The following PKD1 variants were observed in gnomAD, a reference collection of about 807,000 sequenced individuals.
PKD1 encodes polycystin-1.
In PKD1, 81 loss-of-function variants were observed where a neutral mutation model predicts 361.7. The ratio of observed to expected loss-of-function variants is 0.22; its 90% CI spans 0.19 to 0.27. The LOEUF (loss-of-function observed/expected upper bound fraction) is 0.27, where lower values mean the gene tolerates loss of function less well. Ranked by LOEUF, PKD1 falls within the 10% of genes least tolerant of loss-of-function variation. The pLI is 1.00. For synonymous variants in PKD1, 3,615 were observed against 2,818.3 expected, an observed-to-expected ratio of 1.28 and a Z score of -8.95; for missense variants, 6,399 against 6,118.3, an observed-to-expected ratio of 1.05 and a Z score of -1.53.
At position 2,091,329 on chromosome 16, in the gene PKD1, G is replaced by GCTGCGAAGGCGGGGCC. The variant is rs2091553356; in HGVS notation, c.11712+93_11712+94insGGCCCCGCCTTCGCAG. On this transcript the variant is annotated intron_variant, in intron 42 of 45. Coordinates refer to ENST00000262304, the MANE Select transcript of PKD1 (RefSeq NM_001009944.3). ...GCGGGACGCTGCGAGGGGGCGGGGCGCTGCGAGGGGTGAGACGCTGCCGGG... is the reference window on the plus strand; with the variant it reads ...GCGGGACGCTGCGAGGGGGCGGGGCGCTGCGAAGGCGGGGCCCTGCGAGGGGTGAGACGCTGCCGGG... The GCTGCGAAGGCGGGGCC allele has an allele frequency of 5.1e-6, 2 of 390,358 alleles. 1 individual carries two copies. The highest frequency in any genetic ancestry group is 1.0e-4 in the African/African-American group (2 of 19,230). 24.2% of individuals were successfully genotyped at this position (390,358 alleles called of 1,614,324 possible).
chr16:2,090,773 G>T lies in PKD1; in HGVS notation c.12039C>A (p.Ser4013=). The T allele has an allele frequency of 6.2e-7, 1 of 1,612,576 alleles. No homozygotes were observed. The highest frequency in any genetic ancestry group is 8.5e-7 in the Non-Finnish European group (1 of 1,179,940). Residue 4013 remains serine (S), a synonymous_variant, in exon 44 of 46, where the codon TCC becomes TCA. Transcript: ENST00000262304. Reference sequence around the variant, plus strand: ...CTCGGCATAATGTCTTGCCAAAGACGGACCACTGGCGCACGAAGCGTAGCT... The same window carrying T: ...CTCGGCATAATGTCTTGCCAAAGACTGACCACTGGCGCACGAAGCGTAGCT... The part of the protein sequence containing the change: ...AQQLRFVRQW[S]VFGKTLCRAL...
chr16:2,109,482 G>A lies in PKD1; in HGVS notation c.5685C>T (p.Ser1895=), dbSNP rs1427285494. The change falls in exon 15 of 46, where the codon AGC becomes AGT. Residue 1895 remains serine (S), a synonymous_variant. Transcript: ENST00000262304. ...GCTGCCCGGGCGCCACCACCTTGCT[G>A]CTGGCCCACAGCACCAGGCCCACGA... is the stretch of plus-strand genomic sequence containing the variant. The part of the protein sequence containing the change: ...EPIVGLVLWA[S]SKVVAPGQLV... 2 of 1,609,234 alleles carry A rather than the reference G, an allele frequency of 1.2e-6. No individual in the cohort carries two copies. Among genetic ancestry groups the A allele is most frequent in the South Asian group, 2.2e-5 (2 of 90,820 alleles).
Position 2,102,051 on chromosome 16 carries a change from C to A in PKD1, c.9397+10G>T. The stretch of plus-strand genomic sequence containing the variant: ...CAGGGGAGGCCCTGCCACCCCGCTG[C>A]GCCCCTCACCTGAGCCCCGGCCCCA... On this transcript the variant is annotated intron_variant, in intron 26 of 45. Transcript: ENST00000262304. 11 of 1,527,704 alleles carry A rather than the reference C, an allele frequency of 7.2e-6. No homozygotes were observed. Among genetic ancestry groups the A allele is most frequent in the African/African-American group, 1.4e-5 (1 of 71,760 alleles). The allele number at this position is 1,527,704 out of a possible 1,614,324, so 94.6% of individuals were successfully genotyped here.
chr16:2,125,342 G>A (rs1164156046), intron 1 of PKD1, among the ~76,000 whole-genome samples: 2 of 152,070 alleles, frequency 1.3e-5, no homozygotes, highest in Non-Finnish European at 2.9e-5. Context: ...GATACAGGAC[G>A]AGGCTGCCAG....
chr16:2,089,550 T>A lies in PKD1; in HGVS notation c.*177A>T. 1.4e-6 allele frequency: 1 copy of A among 736,446 alleles called. No homozygotes were observed. The highest frequency in any genetic ancestry group is 2.7e-5 in the East Asian group (1 of 36,754). The allele number at this position is 736,446 out of a possible 1,614,324, so 45.6% of individuals were successfully genotyped here. A position where few individuals can be genotyped will look rare whatever the true frequency, so the allele number is the denominator to read the frequency against. On this transcript the variant is annotated 3_prime_UTR_variant, in exon 46 of 46. Transcript: ENST00000262304. ...CTGGGGAGGGGACCCTGGGTCCTGG[T>A]TGGCCACACAGCCTCTTTAAAGTGC...
At position 2,089,693 on chromosome 16, in the gene PKD1, C is replaced by T. The variant is rs530758271; in HGVS notation, c.*34G>A. Reference sequence around the variant, plus strand: ...AAGTAATACTGAGCGGTGTCCACTCCGACTCCACGGCCCACCCCCGCCAGG... The same window carrying T: ...AAGTAATACTGAGCGGTGTCCACTCTGACTCCACGGCCCACCCCCGCCAGG... On this transcript the variant is annotated 3_prime_UTR_variant, in exon 46 of 46. Transcript: ENST00000262304. The T allele has an allele frequency of 7.0e-5, 108 of 1,553,452 alleles. No homozygotes were observed. Among genetic ancestry groups the T allele is most frequent in the Non-Finnish European group, 8.3e-5 (95 of 1,149,366 alleles).
Position 2,110,802 on chromosome 16 carries a change from A to G in PKD1, c.4365T>C (p.Asn1455=). 1.2e-6 allele frequency: 2 copies of G among 1,611,432 alleles called. No homozygotes were observed. The highest frequency in any genetic ancestry group is 8.5e-7 in the Non-Finnish European group (1 of 1,179,816). The part of the protein sequence containing the change: ...VTASNNISAA[N]DSALVEVQEP... ...CCTGCACCTCCACCAGGGCTGAGTC[A>G]TTGGCAGCAGAGATGTTGTTGGACG... The change falls in exon 15 of 46, where the codon AAT becomes AAC. Residue 1455 remains asparagine, a synonymous_variant. Transcript: ENST00000262304.
At chr16:2,133,622 G>A (rs546315822) in intron 1 of PKD1, among the ~76,000 whole-genome samples, 6 of 152,236 alleles carry the variant, frequency 3.9e-5, no homozygotes, top group Admixed American at 6.5e-5. Flanking sequence ...GCCAGCCAGG[G>A]CCTTCACATC....
At chr16:2,094,777 G>A (rs569397076) in intron 34 of PKD1, 15 of 159,422 alleles carry the variant, frequency 9.4e-5, no homozygotes, top group Middle Eastern at 3.2e-3. Context: ...TGATATGCCC[G>A]GTCCCAGAGC....
chr16:2,126,775 T>C (rs1241916496), intron 1 of PKD1, among the ~76,000 whole-genome samples: 1 of 152,236 alleles, frequency 6.6e-6, no homozygotes, highest in Non-Finnish European at 1.5e-5. Flanking sequence ...CCAAAGTATA[T>C]TCCTTGCTGG....
In PKD1 at chr16:2,097,958, A is replaced by G. The variant is rs1366428783; in HGVS notation, c.10077T>C (p.Pro3359=). 3.1e-6 allele frequency: 5 copies of G among 1,597,866 alleles called. No homozygotes were observed. Among genetic ancestry groups the G allele is most frequent in the Middle Eastern group, 4.5e-4 (2 of 4,426 alleles). Residue 3359 remains proline, a synonymous_variant, in exon 31 of 46, where the codon CCT becomes CCC. Transcript: ENST00000262304. ...CGATGTCCAGCACCTGCTGCCCGGC[A>G]GGTGTGGGGCTCGGGCTCCCAGCCA... is the stretch of plus-strand genomic sequence containing the variant. The part of the protein sequence containing the change: ...SKVAGSPSPT[P]AGQQVLDIDS...
chr16:2,100,578 G>C lies in PKD1; in HGVS notation c.9398-12C>G, dbSNP rs1255199208. On this transcript the variant is annotated splice_polypyrimidine_tract_variant and intron_variant, in intron 26 of 45. Coordinates refer to ENST00000262304, the MANE Select transcript of PKD1 (RefSeq NM_001009944.3). The surrounding 1 kb of genome is among the most constrained non-coding windows in gnomAD (Gnocchi z 4.4). ...GTGGGCCGTGGTACCTGGGAGGCAA[G>C]AGGGAGGGGTGGGAGGCTCGGTCTG... 3.1e-6 allele frequency: 5 copies of C among 1,608,120 alleles called. No homozygotes were observed. The East Asian group carries it at 8.9e-5, about 29-fold the overall frequency.
At chr16:2,093,500 C>T (rs1053651475) in intron 37 of PKD1, 44 bp downstream of exon 37, 59 of 1,546,140 alleles carry the variant, frequency 3.8e-5, no homozygotes, top group Non-Finnish European at 5.1e-5. Context: ...AGGTGGGAGA[C>T]AAGAGACGGA....
chr16:2,105,910 C>T lies in PKD1; in HGVS notation c.7818G>A (p.Gln2606=). The change falls in exon 20 of 46, where the codon CAG becomes CAA. Residue 2606 remains glutamine, a synonymous_variant. Transcript: ENST00000262304. ...GGGCCAACGAGTACTCGATGACGTGCTGGGGATCGGCCTGCCGCAGCAGCC... is the reference window on the plus strand; with the variant it reads ...GGGCCAACGAGTACTCGATGACGTGTTGGGGATCGGCCTGCCGCAGCAGCC... The part of the protein sequence containing the change: ...LPGLLRQADP[Q]HVIEYSLALV... 6.3e-7 allele frequency: 1 copy of T among 1,596,824 alleles called. No homozygotes were observed. Among genetic ancestry groups the T allele is most frequent in the Non-Finnish European group, 8.5e-7 (1 of 1,179,690 alleles).
At chr16:2,092,649 G>C in intron 38 of PKD1, 57 bp from the exon 39 acceptor site, 1 of 1,252,414 alleles carries the variant, frequency 8.0e-7, no homozygotes, top group Non-Finnish European at 1.2e-6. Flanking sequence ...CGCCTCGAGT[G>C]AGCGGCCACC....
rs937476393 is a variant in PKD1, at chr16:2,117,057, G to C, written c.1386-4C>G. The C allele has an allele frequency of 1.9e-6, 3 of 1,552,750 alleles. No individual in the cohort carries two copies. Among genetic ancestry groups the C allele is most frequent in the South Asian group, 1.1e-5 (1 of 88,646 alleles). On this transcript the variant is annotated splice_region_variant and splice_polypyrimidine_tract_variant and intron_variant, in intron 6 of 45. Transcript: ENST00000262304. ...GCCGATCCACACGTCTAGGCTCCTG[G>C]GGGCGGGTGTGGGATGGCAGGGGGC...
chr16:2,110,136 G>C lies in PKD1; in HGVS notation c.5031C>G (p.Ala1677=), dbSNP rs551270517. ...TGAGCGAGAAGCCTTTGCCGCTGCC[G>C]GCCAGGGCCGGGCCCCTGTCCCTCC... ...TAWRDRGPAL[A]GSGKGFSLTV... The change falls in exon 15 of 46, where the codon GCC becomes GCG. Residue 1677 remains alanine (A), a synonymous_variant. Coordinates refer to ENST00000262304, the MANE Select transcript of PKD1 (RefSeq NM_001009944.3). The C allele has an allele frequency of 6.2e-7, 1 of 1,609,518 alleles. No homozygotes were observed. The highest frequency in any genetic ancestry group is 2.2e-5 in the East Asian group (1 of 44,832).
intron 14 of PKD1, 82 bp from the exon 15 acceptor site, chr16:2,111,953 A>G: frequency 1.4e-6 from 2 of 1,459,972 alleles, no homozygotes; most frequent in Non-Finnish European, 1.9e-6. Flanking sequence ...CCGCCTGAGG[A>G]GCCCGGGGTG....
Position 2,100,175 on chromosome 16 carries a change from G to A in PKD1, c.9703C>T (p.Leu3235=). 2 of 1,608,654 alleles carry A rather than the reference G, an allele frequency of 1.2e-6. No individual in the cohort carries two copies. The highest frequency in any genetic ancestry group is 1.7e-6 in the Non-Finnish European group (2 of 1,178,112). Reference sequence around the variant, plus strand: ...TGGAACGAGGCCTTACTCGCGGCCAGCACCTCCTTCTCCACCAGGCCCCCG... The same window carrying A: ...TGGAACGAGGCCTTACTCGCGGCCAACACCTCCTTCTCCACCAGGCCCCCG... The part of the protein sequence containing the change: ...ANGGLVEKEV[L]AASDAALLRF... The change falls in exon 28 of 46, where the codon CTG becomes TTG. Residue 3235 remains leucine, a synonymous_variant. Coordinates refer to ENST00000262304, the MANE Select transcript of PKD1 (RefSeq NM_001009944.3). This position sits in a 1 kb window ranked among gnomAD's most constrained non-coding sequence, Gnocchi z 4.4.
Sources: allele counts gnomAD v4.1 joint callset (sites outside exome capture counted in the v4.1 genomes callset), GRCh38; gene constraint gnomAD v4.1.1; non-coding constraint Gnocchi (gnomAD v3.1); transcripts MANE v1.5; gene names NCBI Gene and HGNC (gene_info 2026-07-23, HGNC 2026-07-21).